The following CTNNA2 variants were observed in gnomAD, a reference collection of about 807,000 sequenced individuals.
CTNNA2 encodes the protein catenin alpha-2.
A neutral mutation model predicts 101.0 loss-of-function variants in CTNNA2; 42 were observed. The ratio of observed to expected loss-of-function variants is 0.42; its 90% CI spans 0.32 to 0.54. The LOEUF (loss-of-function observed/expected upper bound fraction) is 0.54. Ranked by LOEUF, CTNNA2 falls within the 20% of genes least tolerant of loss-of-function variation. CTNNA2 has a pLI of 0.14. For missense variants in CTNNA2, 871 were observed against 1,223.1 expected (o/e 0.71, Z 4.29); for synonymous variants, 450 against 456.4 (o/e 0.99, Z 0.18).
intron 3 of CTNNA2, among the ~76,000 whole-genome samples, chr2:79,818,033 A>G (rs1238789138): frequency 6.6e-6 from 1 of 152,200 alleles, no homozygotes; most frequent in African/African-American, 2.4e-5. Flanking sequence ...AATAAGCCTC[A>G]TTACTTCCAA....
intron 2 of CTNNA2, among the ~76,000 whole-genome samples, chr2:79,707,005 A>G (rs1685426498): frequency 1.3e-5 from 2 of 152,170 alleles, no homozygotes; most frequent in African/African-American, 2.4e-5. Context: ...ACATATGACC[A>G]TGAAGGAATT....
intron 9 of CTNNA2, among the ~76,000 whole-genome samples, chr2:80,536,242 GTGA>G (rs1691006673): frequency 6.6e-6 from 1 of 152,112 alleles, no homozygotes. Context: ...ACTTTTCATT[GTGA>G]TGATAGTTTT....
intron 9 of CTNNA2, among the ~76,000 whole-genome samples, chr2:80,436,609 T>C (rs1223283378): frequency 6.6e-6 from 1 of 152,102 alleles, no homozygotes; most frequent in African/African-American, 2.4e-5. Flanking sequence ...GACTGGGCAA[T>C]TTATAAACAG....
chr2:80,477,187 G>A (rs376818650), intron 9 of CTNNA2, among the ~76,000 whole-genome samples: 2 of 152,024 alleles, frequency 1.3e-5, no homozygotes, highest in African/African-American at 2.4e-5. Flanking sequence ...ACATACACAC[G>A]CACACATACA....
chr2:79,924,407 G>GA (rs1469658976), intron 7 of CTNNA2, among the ~76,000 whole-genome samples: 3 of 152,054 alleles, frequency 2.0e-5, no homozygotes, highest in East Asian at 3.9e-4. Context: ...CCAGCTTTCA[G>GA]AATACTACTG....
At chr2:80,022,948 G>A (rs1694674337) in intron 7 of CTNNA2, among the ~76,000 whole-genome samples, 1 of 152,156 alleles carries the variant, frequency 6.6e-6, no homozygotes, top group African/African-American at 2.4e-5. Flanking sequence ...TCCCTCCAAT[G>A]GAAAGACAAC....
intron 3 of CTNNA2, among the ~76,000 whole-genome samples, chr2:79,354,942 T>G (rs751109513): frequency 1.3e-5 from 2 of 152,152 alleles, no homozygotes; most frequent in Non-Finnish European, 2.9e-5. Context: ...TGATCTCACT[T>G]GGTAGGAGAG....
intron 3 of CTNNA2, among the ~76,000 whole-genome samples, chr2:79,761,240 C>T (rs1274320245): frequency 6.6e-6 from 1 of 151,920 alleles, no homozygotes; most frequent in South Asian, 2.1e-4. Flanking sequence ...ACATTTTTTG[C>T]CATTTCAGTG....
At chr2:79,221,419 G>T (rs1674343905) in intron 2 of CTNNA2, among the ~76,000 whole-genome samples, 1 of 152,108 alleles carries the variant, frequency 6.6e-6, no homozygotes, top group African/African-American at 2.4e-5. Flanking sequence ...AAAGTCCTGG[G>T]ATTACAGGCA....
intron 3 of CTNNA2, among the ~76,000 whole-genome samples, chr2:79,343,834 A>G (rs1164015746): frequency 6.6e-6 from 1 of 152,084 alleles, no homozygotes; most frequent in African/African-American, 2.4e-5. Context: ...TCCTTGACCT[A>G]CAAACTAACC....
At chr2:79,946,522 T>A (rs937773610) in intron 7 of CTNNA2, among the ~76,000 whole-genome samples, 1 of 152,230 alleles carries the variant, frequency 6.6e-6, no homozygotes, top group Admixed American at 6.5e-5. Flanking sequence ...CTAAATGATA[T>A]AAATAGAAAT....
In CTNNA2 at chr2:79,565,016, C is replaced by T. The variant is rs1425510632; in HGVS notation, c.-6+51809C>T. 2.6e-5 allele frequency among the ~76,000 whole-genome samples: 4 copies of T among 152,004 alleles called. No homozygotes were observed. The South Asian group carries it at 8.3e-4, about 32-fold the overall frequency. ...CTTGCAGTAATCATAAAGGATATAA[C>T]AGAACATATTAAAATGTAAATATTT... On this transcript the variant is annotated intron_variant, in intron 1 of 18. Transcript: ENST00000402739.
chr2:80,215,299 G>C (rs911322189), intron 7 of CTNNA2, among the ~76,000 whole-genome samples: 14 of 152,254 alleles, frequency 9.2e-5, no homozygotes, highest in African/African-American at 3.4e-4. Flanking sequence ...GCTTTGTTCT[G>C]CTGCTGGTGA....
chr2:80,335,284 A>AT (rs1285310007), intron 7 of CTNNA2, among the ~76,000 whole-genome samples: 8 of 152,212 alleles, frequency 5.3e-5, no homozygotes, highest in Admixed American at 1.3e-4. Context: ...GAGTAGTTGC[A>AT]TTTTTAATAA....
rs556668952 is a variant in CTNNA2 at position 79,576,835 on chromosome 2, G to A, written c.-6+63628G>A. Among the ~76,000 whole-genome samples, 33 of 152,244 alleles carry A rather than the reference G, an allele frequency of 2.2e-4. No individual in the cohort carries two copies. The South Asian group carries it at 3.5e-3, about 16-fold the overall frequency. ...CCATAAGTGAAGAAGGTCAGGGATT[G>A]TTCTCTGCCAAGGAATGACTTTACT... On this transcript the variant is annotated intron_variant, in intron 1 of 18. Coordinates refer to ENST00000402739, the MANE Select transcript of CTNNA2 (RefSeq NM_001282597.3).
intron 1 of CTNNA2, among the ~76,000 whole-genome samples, chr2:79,197,273 G>A (rs1164826487): frequency 4.6e-5 from 7 of 152,158 alleles, no homozygotes; most frequent in Admixed American, 3.9e-4. Flanking sequence ...AGACTCAAAG[G>A]CATGAAGGAA....
chr2:79,275,698 C>A (rs923733211), intron 2 of CTNNA2, among the ~76,000 whole-genome samples: 1 of 151,826 alleles, frequency 6.6e-6, no homozygotes, highest in Non-Finnish European at 1.5e-5. Flanking sequence ...TGTTGTTTAG[C>A]CTATGTTCAT....
intron 7 of CTNNA2, among the ~76,000 whole-genome samples, chr2:80,296,332 C>T (rs937741711): frequency 1.3e-5 from 2 of 152,110 alleles, no homozygotes; most frequent in African/African-American, 4.8e-5. Flanking sequence ...TATCAAGTTT[C>T]TCATTTTCCT....
intron 7 of CTNNA2, among the ~76,000 whole-genome samples, chr2:80,156,438 A>G (rs573626347): frequency 2.2e-4 from 33 of 152,348 alleles, no homozygotes; most frequent in African/African-American, 7.0e-4. Context: ...GCATTTACTT[A>G]CAAATACAAA....
Sources: allele counts gnomAD v4.1 joint callset (sites outside exome capture counted in the v4.1 genomes callset), GRCh38; gene constraint gnomAD v4.1.1; transcripts MANE v1.5; gene names NCBI Gene and HGNC (gene_info 2026-07-23, HGNC 2026-07-21).